Variants in INPP4B observed in about 807,000 individuals in gnomAD.
INPP4B encodes inositol polyphosphate-4-phosphatase type II B, also known as inositol polyphosphate 4-phosphatase type II.
INPP4B carries 55 observed loss-of-function variants against 122.5 expected under a neutral mutation model. That is an observed-to-expected ratio of 0.45 (90% confidence interval 0.36 to 0.56). The LOEUF (loss-of-function observed/expected upper bound fraction) is 0.56, where lower values mean the gene tolerates loss of function less well. Ranked by LOEUF, INPP4B falls within the 20% of genes least tolerant of loss-of-function variation. INPP4B has a pLI of 0.00. For missense variants in INPP4B, 1,000 were observed against 1,097.7 expected (o/e 0.91, Z 1.26); for synonymous variants, 403 against 388.7 (o/e 1.04, Z -0.43).
intron 10 of INPP4B, among the ~76,000 whole-genome samples, chr4:142,264,832 A>G (rs1302950493): frequency 2.0e-5 from 3 of 152,168 alleles, no homozygotes; most frequent in African/African-American, 7.2e-5. Flanking sequence ...GGCCTATATT[A>G]TGGAGGTAAC....
Position 142,106,441 on chromosome 4 carries a change from C to T in INPP4B, c.2374+1652G>A, listed in dbSNP as rs756713674. Reference sequence around the variant, plus strand: ...GATCACAGACACATACCACCATGCCCGGCTAATTTTTGTATTTTCTGTAGA... The same window carrying T: ...GATCACAGACACATACCACCATGCCTGGCTAATTTTTGTATTTTCTGTAGA... On this transcript the variant is annotated intron_variant, in intron 23 of 25. Transcript: ENST00000262992. 5.3e-5 allele frequency among the ~76,000 whole-genome samples: 8 copies of T among 152,002 alleles called. No homozygotes were observed. The East Asian group carries it at 1.2e-3, about 22-fold the overall frequency.
chr4:142,775,978 A>G (rs999396710), intron 1 of INPP4B, among the ~76,000 whole-genome samples: 1 of 152,072 alleles, frequency 6.6e-6, no homozygotes. Context: ...ATTTTAGCCT[A>G]TTGATATGGT....
chr4:142,123,198 G>T (rs997407116), intron 20 of INPP4B, 94 bp downstream of exon 20: 3 of 1,059,604 alleles, frequency 2.8e-6, no homozygotes, highest in South Asian at 2.1e-5. Context: ...CACAATAAAG[G>T]TTTACTTATT....
intron 1 of INPP4B, among the ~76,000 whole-genome samples, chr4:142,759,825 T>TAAAA (rs70949188): frequency 0.012 from 836 of 70,002 alleles, 15 homozygotes; most frequent in South Asian, 0.028. Flanking sequence ...GAGCTTTTTC[T>TAAAA]AAAAAAAAAA....
At chr4:142,669,680 A>G (rs1756699029) in intron 2 of INPP4B, among the ~76,000 whole-genome samples, 1 of 152,230 alleles carries the variant, frequency 6.6e-6, no homozygotes, top group African/African-American at 2.4e-5. Context: ...AATGACTTAA[A>G]TGTAAAACCA....
At chr4:142,221,079 A>G (rs1362454209) in intron 12 of INPP4B, among the ~76,000 whole-genome samples, 1 of 152,058 alleles carries the variant, frequency 6.6e-6, no homozygotes, top group East Asian at 1.9e-4. Context: ...TTAAACTGCT[A>G]TGCTGTGTGG....
At chr4:142,640,536 A>G (rs1750158717) in intron 2 of INPP4B, among the ~76,000 whole-genome samples, 2 of 152,132 alleles carry the variant, frequency 1.3e-5, no homozygotes, top group East Asian at 3.9e-4. Flanking sequence ...TATAATATAC[A>G]GGGATATAAC....
At chr4:142,648,774 GCTT>G (rs1481560535) in intron 2 of INPP4B, among the ~76,000 whole-genome samples, 3 of 152,098 alleles carry the variant, frequency 2.0e-5, no homozygotes, top group Non-Finnish European at 2.9e-5. Context: ...GCAGCAGACA[GCTT>G]CTTTTTTGTT....
At chr4:142,692,506 G>A (rs2150727914) in intron 2 of INPP4B, among the ~76,000 whole-genome samples, 1 of 152,254 alleles carries the variant, frequency 6.6e-6, no homozygotes, top group East Asian at 1.9e-4. Flanking sequence ...TTCCAGATTA[G>A]CCTGGGCAAC....
chr4:142,432,097 T>A (rs2149379008), intron 3 of INPP4B, among the ~76,000 whole-genome samples: 1 of 152,244 alleles, frequency 6.6e-6, no homozygotes, highest in South Asian at 2.1e-4. Flanking sequence ...TACCCTGTCA[T>A]ACAGACAGCC....
At chr4:142,492,137 A>G (rs1821959028) in intron 2 of INPP4B, among the ~76,000 whole-genome samples, 1 of 152,056 alleles carries the variant, frequency 6.6e-6, no homozygotes, top group African/African-American at 2.4e-5. Context: ...TGCTGCCACC[A>G]TGAGTAGAAG....
chr4:142,659,602 C>A (rs562532148), intron 2 of INPP4B, among the ~76,000 whole-genome samples: 2 of 152,230 alleles, frequency 1.3e-5, no homozygotes, highest in Admixed American at 1.3e-4. Flanking sequence ...ATGTAGAAAT[C>A]CTGATAAATA....
At chr4:142,186,599 A>T (rs1833300301) in intron 15 of INPP4B, among the ~76,000 whole-genome samples, 1 of 152,258 alleles carries the variant, frequency 6.6e-6, no homozygotes, top group Admixed American at 6.5e-5. Context: ...GCTGCAAAAT[A>T]GATTAAACTG....
At chr4:142,079,055 G>T (rs946728125) in intron 25 of INPP4B, among the ~76,000 whole-genome samples, 2 of 151,928 alleles carry the variant, frequency 1.3e-5, no homozygotes, top group Non-Finnish European at 2.9e-5. Flanking sequence ...TCCATGTGAG[G>T]TCTAAACATA....
intron 2 of INPP4B, among the ~76,000 whole-genome samples, chr4:142,502,047 C>T (rs1013179561): frequency 6.6e-6 from 1 of 152,168 alleles, no homozygotes; most frequent in African/African-American, 2.4e-5. Flanking sequence ...GGTAAAATAA[C>T]AGTTAAAAAC....
At chr4:142,736,710 C>A (rs545786335) in intron 1 of INPP4B, among the ~76,000 whole-genome samples, 1 of 152,040 alleles carries the variant, frequency 6.6e-6, no homozygotes, top group Admixed American at 6.6e-5. Flanking sequence ...TGAGACGATG[C>A]GGTTTTCTAG....
intron 1 of INPP4B, among the ~76,000 whole-genome samples, chr4:142,831,054 G>GGCAAGAGTA (rs1782076819): frequency 6.6e-6 from 1 of 151,636 alleles, no homozygotes; most frequent in African/African-American, 2.4e-5. Flanking sequence ...ATGCAAGAGT[G>GGCAAGAGTA]TAGTAGATTG....
At chr4:142,731,135 C>T (rs1407259247) in intron 1 of INPP4B, among the ~76,000 whole-genome samples, 2 of 152,098 alleles carry the variant, frequency 1.3e-5, no homozygotes, top group Middle Eastern at 3.2e-3. Context: ...CTTCCCCCAC[C>T]CCATTCCCCT....
At chr4:142,130,264 G>A (rs780198865) in intron 18 of INPP4B, among the ~76,000 whole-genome samples, 10 of 152,168 alleles carry the variant, frequency 6.6e-5, no homozygotes, top group Non-Finnish European at 1.2e-4. Context: ...GTTTTGTAAT[G>A]ACAAATCTAA....
Sources: gnomAD v4.1 joint callset for allele counts (sites outside exome capture counted in the v4.1 genomes callset) on GRCh38, gnomAD v4.1.1 for gene constraint, MANE v1.5 for transcripts, NCBI Gene and HGNC (gene_info 2026-07-23, HGNC 2026-07-21) for gene names.